The following IGF2BP2 variants were observed in gnomAD, a reference collection of about 807,000 sequenced individuals.
IGF2BP2 encodes the protein insulin-like growth factor 2 mRNA-binding protein 2.
Under a neutral mutation model 75.8 loss-of-function variants are expected in IGF2BP2, and 17 were observed. That is an observed-to-expected ratio of 0.22 (90% CI 0.15 to 0.34). The LOEUF (loss-of-function observed/expected upper bound fraction) is 0.34, where lower values mean the gene tolerates loss of function less well. Among genes scored for constraint, IGF2BP2 ranks in the 10% least tolerant of loss-of-function variants. The pLI, the probability that IGF2BP2 is intolerant of heterozygous loss-of-function variation, is 1.00. For missense variants in IGF2BP2, 516 were observed against 772.4 expected (o/e 0.67, Z 3.93); for synonymous variants, 288 against 295.6 (o/e 0.97, Z 0.26).
chr3:185,744,075 A>T (rs1729925891), intron 2 of IGF2BP2, among the ~76,000 whole-genome samples: 1 of 152,234 alleles, frequency 6.6e-6, no homozygotes, highest in Non-Finnish European at 1.5e-5. Context: ...GCAATGACTT[A>T]CTGCTTATGT....
At position 185,643,220 on chromosome 3, in the gene IGF2BP2, A is replaced by C. The variant is rs1712948852; in HGVS notation, c.*2311T>G. On this transcript the variant is annotated 3_prime_UTR_variant, in exon 16 of 16. Transcript: ENST00000382199. Reference sequence around the variant, plus strand: ...ACGTTCCTGAGGTATGCCTGCACTTACTAGTGAGCTTCCCGTGGAGGCGTG... The same window carrying C: ...ACGTTCCTGAGGTATGCCTGCACTTCCTAGTGAGCTTCCCGTGGAGGCGTG... Among the ~76,000 whole-genome samples the C allele has an allele frequency of 6.6e-6, 1 of 152,170 alleles. No homozygotes were observed. The highest frequency in any genetic ancestry group is 2.1e-4 in the South Asian group (1 of 4,824).
intron 2 of IGF2BP2, among the ~76,000 whole-genome samples, chr3:185,732,030 T>G (rs1560377105): frequency 6.6e-6 from 1 of 152,112 alleles, no homozygotes; most frequent in Non-Finnish European, 1.5e-5. Flanking sequence ...CGGAGCACGT[T>G]CAGCTCCTGC....
chr3:185,746,394 T>C (rs1217859909), intron 2 of IGF2BP2, among the ~76,000 whole-genome samples: 1 of 152,172 alleles, frequency 6.6e-6, no homozygotes, highest in Non-Finnish European at 1.5e-5. Context: ...GGGCTCCCAG[T>C]GGCAGGGCAA....
intron 2 of IGF2BP2, among the ~76,000 whole-genome samples, chr3:185,788,174 T>C (rs1211436946): frequency 2.0e-5 from 3 of 152,206 alleles, no homozygotes; most frequent in Non-Finnish European, 4.4e-5. Flanking sequence ...CCCCACATTA[T>C]AACTGAAACT....
intron 7 of IGF2BP2, among the ~76,000 whole-genome samples, chr3:185,680,316 C>T (rs1256979239): frequency 6.6e-6 from 1 of 152,070 alleles, no homozygotes; most frequent in African/African-American, 2.4e-5. Context: ...TAATCAAAAA[C>T]CTCCCAACAC....
chr3:185,696,691 T>C (rs779990217), intron 3 of IGF2BP2, 28 bp from the exon 4 acceptor site: 2 of 1,599,482 alleles, frequency 1.3e-6, no homozygotes, highest in African/African-American at 1.3e-5. Context: ...CATGTCAGAA[T>C]GGGAAGGCAA....
intron 2 of IGF2BP2, among the ~76,000 whole-genome samples, chr3:185,750,051 T>G (rs1730761005): frequency 6.6e-6 from 1 of 152,200 alleles, no homozygotes; most frequent in Non-Finnish European, 1.5e-5. Context: ...CTGGAAGACT[T>G]GTTAACAAGC....
At chr3:185,783,546 C>A (rs1312194738) in intron 2 of IGF2BP2, among the ~76,000 whole-genome samples, 2 of 152,190 alleles carry the variant, frequency 1.3e-5, no homozygotes, top group Non-Finnish European at 2.9e-5. Flanking sequence ...ACTTGGTCAC[C>A]AGCCAAAGGT....
At chr3:185,766,244 C>T (rs1733038038) in intron 2 of IGF2BP2, among the ~76,000 whole-genome samples, 1 of 151,822 alleles carries the variant, frequency 6.6e-6, no homozygotes, top group Non-Finnish European at 1.5e-5. Flanking sequence ...TCATCAAAGC[C>T]CCAAATTTAT....
At chr3:185,757,618 C>T (rs1488772063) in intron 2 of IGF2BP2, among the ~76,000 whole-genome samples, 3 of 152,026 alleles carry the variant, frequency 2.0e-5, no homozygotes, top group Non-Finnish European at 2.9e-5. Context: ...GTGTGTGCCA[C>T]CACTTCTGGC....
At chr3:185,781,830 A>G (rs987149191) in intron 2 of IGF2BP2, among the ~76,000 whole-genome samples, 1 of 151,930 alleles carries the variant, frequency 6.6e-6, no homozygotes, top group Non-Finnish European at 1.5e-5. Flanking sequence ...TGCTTTGGGG[A>G]AATGTGCAAA....
At chr3:185,708,519 A>G (rs1428068554) in intron 2 of IGF2BP2, among the ~76,000 whole-genome samples, 1 of 152,104 alleles carries the variant, frequency 6.6e-6, no homozygotes, top group African/African-American at 2.4e-5. Flanking sequence ...GGGGTGATAA[A>G]GGTATTAACT....
chr3:185,823,244 C>G (rs1391425906), intron 1 of IGF2BP2, 31 bp from the exon 2 acceptor site: 1 of 1,573,256 alleles, frequency 6.4e-7, no homozygotes, highest in African/African-American at 1.4e-5. Context: ...CACTCAGAAC[C>G]TTGCTTAGAT....
chr3:185,729,397 C>T (rs1727831224), intron 2 of IGF2BP2, among the ~76,000 whole-genome samples: 1 of 152,194 alleles, frequency 6.6e-6, no homozygotes. Context: ...AATAAAACAA[C>T]TCACAGTATT....
rs146014747 is a variant in IGF2BP2 at position 185,688,682 on chromosome 3, C to T, written c.677+673G>A. ...AACCCTCTTTTTATAGAAGAGGCAACTGATGCTCAGAGAGGTTAACATCTT... is the reference window on the plus strand; with the variant it reads ...AACCCTCTTTTTATAGAAGAGGCAATTGATGCTCAGAGAGGTTAACATCTT... On this transcript the variant is annotated intron_variant, in intron 6 of 15. Coordinates refer to ENST00000382199, the MANE Select transcript of IGF2BP2 (RefSeq NM_006548.6). Among the ~76,000 whole-genome samples the T allele has an allele frequency of 3.8e-3, 584 of 152,292 alleles. 2 individuals are homozygous for T. Among genetic ancestry groups the T allele is most frequent in the African/African-American group, 0.013 (548 of 41,570 alleles).
intron 2 of IGF2BP2, among the ~76,000 whole-genome samples, chr3:185,725,459 A>G (rs1727186770): frequency 6.6e-6 from 1 of 152,156 alleles, no homozygotes; most frequent in Non-Finnish European, 1.5e-5. Context: ...AAAGGTCACA[A>G]ATTAGATGTG....
At chr3:185,810,982 AAT>A (rs1304366034) in intron 2 of IGF2BP2, among the ~76,000 whole-genome samples, 2 of 152,086 alleles carry the variant, frequency 1.3e-5, no homozygotes, top group African/African-American at 4.8e-5. Context: ...ATTATATGAA[AAT>A]AGAGGCTTAT....
intron 2 of IGF2BP2, among the ~76,000 whole-genome samples, chr3:185,819,658 C>T (rs897817600): frequency 6.6e-6 from 1 of 151,662 alleles, no homozygotes; most frequent in South Asian, 2.1e-4. Context: ...AATATATATT[C>T]TGTGTTAATA....
intron 2 of IGF2BP2, chr3:185,820,937 C>T: frequency 4.2e-6 from 6 of 1,433,108 alleles, no homozygotes; most frequent in East Asian, 2.5e-5. Flanking sequence ...TGTTAATATT[C>T]ACAGAAATGC....
Sources: gnomAD v4.1 joint callset for allele counts (sites outside exome capture counted in the v4.1 genomes callset) on GRCh38, gnomAD v4.1.1 for gene constraint, MANE v1.5 for transcripts, NCBI Gene and HGNC (gene_info 2026-07-23, HGNC 2026-07-21) for gene names.